The following DPP4 variants were observed in gnomAD, a reference collection of about 807,000 sequenced individuals.
DPP4 encodes the protein ADCP-2.
A neutral mutation model predicts 122.4 loss-of-function variants in DPP4; 93 were observed. The observed-to-expected ratio is 0.76, with a 90% CI of 0.64 to 0.90. DPP4 has a LOEUF of 0.90. Among genes scored for constraint, DPP4 ranks in the 40% least tolerant of loss-of-function variants. DPP4 has a pLI of 0.00. For missense variants in DPP4, 914 were observed against 907.3 expected, an observed-to-expected ratio of 1.01 and a Z score of -0.09; for synonymous variants, 321 against 302.9, an observed-to-expected ratio of 1.06 and a Z score of -0.62.
At chr2:161,994,759 C>T (rs1700955751) in intron 25 of DPP4, among the ~76,000 whole-genome samples, 1 of 152,180 alleles carries the variant, frequency 6.6e-6, no homozygotes, top group Non-Finnish European at 1.5e-5. Context: ...TATTGTGCTT[C>T]TTAACCCCAA....
rs750096897 is a variant in DPP4 at position 162,033,560 on chromosome 2, G to A, written c.868C>T (p.Pro290Ser). ...TNATSIQITA[P>S]ASMLIGDHYL... is the part of the protein sequence containing the mutation. Reference sequence around the variant, plus strand: ...TCTTACCCTATCAACATAGAAGCAGGAGCAGTGATTTGTATGGAAGTTGCA... The same window carrying A: ...TCTTACCCTATCAACATAGAAGCAGAAGCAGTGATTTGTATGGAAGTTGCA... The change falls in exon 10 of 26, where the codon CCT (proline) becomes TCT (serine). Residue 290 changes from proline (P) to serine (S), a missense_variant. Pro to Ser is a moderately conservative substitution (Grantham distance 74). Transcript: ENST00000360534. The A allele has an allele frequency of 6.2e-7, 1 of 1,612,616 alleles. No homozygotes were observed. The highest frequency in any genetic ancestry group is 2.2e-5 in the East Asian group (1 of 44,756).
intron 23 of DPP4, among the ~76,000 whole-genome samples, chr2:162,002,016 G>A (rs2106076679): frequency 6.6e-6 from 1 of 152,260 alleles, no homozygotes; most frequent in Non-Finnish European, 1.5e-5. Flanking sequence ...TTCAAAAAGA[G>A]TCTTATGGAC....
rs200557462 is a variant in DPP4 at position 162,047,461 on chromosome 2, T to C, written c.135A>G (p.Leu45=). 7.6e-6 allele frequency: 12 copies of C among 1,586,526 alleles called. No homozygotes were observed. The highest frequency in any genetic ancestry group is 1.3e-5 in the African/African-American group (1 of 74,658). ...TATAAGTATTTTTTAAGTAATCAGT[T>C]AGAGTGTAAGTTTTGCGACTGTCAG... ...ATADSRKTYT[L]TDYLKNTYRL... The change falls in exon 3 of 26, where the codon CTA becomes CTG. Residue 45 remains leucine (L), a synonymous_variant. Coordinates refer to ENST00000360534, the MANE Select transcript of DPP4 (RefSeq NM_001935.4).
chr2:162,041,900 A>G (rs1482653558), intron 5 of DPP4, among the ~76,000 whole-genome samples: 1 of 152,202 alleles, frequency 6.6e-6, no homozygotes, highest in African/African-American at 2.4e-5. Flanking sequence ...GCAATAGTAA[A>G]TGACAATAAA....
chr2:162,008,511 A>G (rs1272234411), intron 22 of DPP4, 51 bp downstream of exon 22: 1 of 1,485,676 alleles, frequency 6.7e-7, no homozygotes, highest in South Asian at 1.1e-5. Flanking sequence ...TGTTACTGGC[A>G]TTTTGAGGTC....
At chr2:162,034,829 T>G (rs1683709967) in intron 9 of DPP4, among the ~76,000 whole-genome samples, 1 of 152,190 alleles carries the variant, frequency 6.6e-6, no homozygotes, top group East Asian at 1.9e-4. Context: ...CAATCCAACT[T>G]CTACAAATGA....
chr2:162,002,674 A>AGAGAGAGAGAGAGAGAG (rs1701181161), intron 23 of DPP4, among the ~76,000 whole-genome samples: 1 of 136,048 alleles, frequency 7.4e-6, no homozygotes, highest in Non-Finnish European at 1.5e-5. Flanking sequence ...AAAAAGAGGA[A>AGAGAGAGAGAGAGAGAG]GAGAGAGAGA....
At chr2:162,053,328 C>T (rs1684449881) in intron 2 of DPP4, among the ~76,000 whole-genome samples, 1 of 152,198 alleles carries the variant, frequency 6.6e-6, no homozygotes. Context: ...AGTGCCACGG[C>T]CTAGGCCAGG....
Position 162,074,147 on chromosome 2 carries a change from G to A in DPP4, c.-166C>T. The A allele has an allele frequency of 1.5e-6, 2 of 1,339,806 alleles. No homozygotes were observed. Among genetic ancestry groups the A allele is most frequent in the Middle Eastern group, 2.9e-4 (1 of 3,492 alleles). 83.0% of individuals were successfully genotyped at this position (1,339,806 alleles called of 1,614,324 possible). On this transcript the variant is annotated 5_prime_UTR_variant, in exon 1 of 26. Coordinates refer to ENST00000360534, the MANE Select transcript of DPP4 (RefSeq NM_001935.4). ...CATTAGTGAGCGCCGAGCCCGCTGG[G>A]TATAAAGGCGCCGCGGGCAGGCTGC...
chr2:162,022,697 A>C, intron 12 of DPP4, 58 bp downstream of exon 12: 1 of 1,536,188 alleles, frequency 6.5e-7, no homozygotes, highest in Non-Finnish European at 9.0e-7. Context: ...AAATAGCTGC[A>C]TATCAAATAG....
At chr2:162,039,240 C>A in intron 5 of DPP4, 56 bp from the exon 6 acceptor site, 2 of 1,450,856 alleles carry the variant, frequency 1.4e-6, no homozygotes, top group East Asian at 2.3e-5. Context: ...TTTGGCCACT[C>A]ACTATAGGAG....
chr2:162,074,186 C>T lies in DPP4; in HGVS notation c.-205G>A, dbSNP rs974102961. 2.2e-5 allele frequency: 27 copies of T among 1,237,638 alleles called. No individual in the cohort carries two copies. Among genetic ancestry groups the T allele is most frequent in the Non-Finnish European group, 2.7e-5 (27 of 991,796 alleles). 76.7% of individuals were successfully genotyped at this position (1,237,638 alleles called of 1,614,324 possible). On this transcript the variant is annotated 5_prime_UTR_variant, in exon 1 of 26. Coordinates refer to ENST00000360534, the MANE Select transcript of DPP4 (RefSeq NM_001935.4). ...CGGGCAGGCTGCAGGGCAGGCGGCG[C>T]GGGAGCAGGCGCGCGTGGCGCGGGG...
chr2:162,047,419 G>A lies in DPP4; in HGVS notation c.177C>T (p.Ser59=). Residue 59 remains serine, a synonymous_variant, in exon 3 of 26, where the codon TCC becomes TCT. Transcript: ENST00000360534. ...AATTCTTACCTGAAATCCATCTTAA[G>A]GAGTATAACTTCAGTCTATAAGTAT... ...LKNTYRLKLY[S]LRWISDHEYL... The A allele has an allele frequency of 6.4e-7, 1 of 1,563,480 alleles. No homozygotes were observed.
At chr2:162,019,138 A>C (rs1683028271) in intron 15 of DPP4, 85 bp downstream of exon 15, 1 of 1,242,050 alleles carries the variant, frequency 8.1e-7, no homozygotes, top group African/African-American at 1.5e-5. Context: ...AATATTAGTT[A>C]GGACAAGGCA....
intron 2 of DPP4, among the ~76,000 whole-genome samples, chr2:162,068,120 A>G (rs1685008200): frequency 6.6e-6 from 1 of 152,196 alleles, no homozygotes. Flanking sequence ...TATTACTACT[A>G]ATACTAAAAA....
intron 4 of DPP4, among the ~76,000 whole-genome samples, chr2:162,045,883 G>A (rs1187030734): frequency 6.6e-6 from 1 of 152,172 alleles, no homozygotes; most frequent in East Asian, 1.9e-4. Flanking sequence ...CTCAACAGTG[G>A]GAATAGCGTA....
chr2:162,058,387 C>A (rs1684650566), intron 2 of DPP4, among the ~76,000 whole-genome samples: 1 of 152,108 alleles, frequency 6.6e-6, no homozygotes, highest in Non-Finnish European at 1.5e-5. Flanking sequence ...CAATCTGTAA[C>A]CAACAAAATC....
chr2:162,073,412 C>G lies in DPP4; in HGVS notation c.81G>C (p.Leu27=). ...TTTCAAACTTACTGCCTTTGTTCAG[C>G]AGAACCACGGGCACGGTGATGATGG... The part of the protein sequence containing the change: ...LVTIITVPVV[L]LNKGTDDATA... The change falls in exon 2 of 26, where the codon CTG becomes CTC. Residue 27 remains leucine, a synonymous_variant. Transcript: ENST00000360534. 6.2e-7 allele frequency: 1 copy of G among 1,614,018 alleles called. No homozygotes were observed. The highest frequency in any genetic ancestry group is 1.7e-5 in the Admixed American group (1 of 60,028).
intron 23 of DPP4, among the ~76,000 whole-genome samples, chr2:162,005,140 C>T (rs1701251348): frequency 1.3e-5 from 2 of 152,206 alleles, no homozygotes; most frequent in African/African-American, 4.8e-5. Flanking sequence ...ATGATAGTTG[C>T]ACCCACACCA....
Sources: allele counts gnomAD v4.1 joint callset (sites outside exome capture counted in the v4.1 genomes callset), GRCh38; gene constraint gnomAD v4.1.1; transcripts MANE v1.5; gene names NCBI Gene and HGNC (gene_info 2026-07-23, HGNC 2026-07-21).